Variants in SLC25A15 observed in about 807,000 individuals in gnomAD.
SLC25A15 encodes solute carrier family 25 member 15.
SLC25A15 carries 24 observed loss-of-function variants against 32.3 expected under a neutral mutation model. The observed-to-expected ratio is 0.74, with a 90% CI of 0.54 to 1.04. The LOEUF (loss-of-function observed/expected upper bound fraction) is 1.04, where lower values mean the gene tolerates loss of function less well. Among genes scored for constraint, SLC25A15 ranks in the 50% least tolerant of loss-of-function variants. The probability of loss-of-function intolerance (pLI) is 0.00; values close to 1 mark genes in which losing one functional copy is unlikely to be tolerated. For missense variants in SLC25A15, 317 were observed against 374.5 expected (o/e 0.85, Z 1.27); for synonymous variants, 132 against 142.1 (o/e 0.93, Z 0.51).
In SLC25A15 at chr13:40,810,669, A is replaced by G. The variant is rs1053184189; in HGVS notation, c.*1002A>G. 20 of 500,254 alleles carry G rather than the reference A, an allele frequency of 4.0e-5. No individual in the cohort carries two copies. The highest frequency in any genetic ancestry group is 7.9e-5 in the African/African-American group (4 of 50,408). The allele number at this position is 500,254 out of a possible 1,614,324, so 31.0% of individuals were successfully genotyped here. A position where few individuals can be genotyped will look rare whatever the true frequency, so the allele number is the denominator to read the frequency against. On this transcript the variant is annotated 3_prime_UTR_variant, in exon 7 of 7. Transcript: ENST00000338625. Reference sequence around the variant, plus strand: ...GGTGGGATCATATTCCACGCTGACTATATTGCTAGGGGTGGCCCAGAGGGT... The same window carrying G: ...GGTGGGATCATATTCCACGCTGACTGTATTGCTAGGGGTGGCCCAGAGGGT...
rs1882236317 is a variant in SLC25A15 at position 40,807,419 on chromosome 13, T to C, written c.578T>C (p.Leu193Pro). The C allele has an allele frequency of 1.9e-6, 3 of 1,614,220 alleles. No individual in the cohort carries two copies. Among genetic ancestry groups the C allele is most frequent in the Non-Finnish European group, 2.5e-6 (3 of 1,180,036 alleles). ...GYFFFFGGYE[L>P]SRSFFASGRS... ...TTCTTCTTCTTCGGTGGCTATGAAC[T>C]GAGCCGGTCCTTTTTTGCATCAGGG... is the stretch of plus-strand genomic sequence containing the variant. The change falls in exon 5 of 7, where the codon CTG becomes CCG. Residue 193 changes from leucine to proline, a missense_variant. Transcript: ENST00000338625.
chr13:40,801,548 C>T lies in SLC25A15; in HGVS notation c.314+2233C>T, dbSNP rs78540556. On this transcript the variant is annotated intron_variant, in intron 3 of 6. Coordinates refer to ENST00000338625, the MANE Select transcript of SLC25A15 (RefSeq NM_014252.4). ...TGAAATTGTGTCCTCTGAGCTCCTGCCCAGTCTCCTTTCCATCAGACCACA... is the reference window on the plus strand; with the variant it reads ...TGAAATTGTGTCCTCTGAGCTCCTGTCCAGTCTCCTTTCCATCAGACCACA... Among the ~76,000 whole-genome samples, 371 of 152,262 alleles carry T rather than the reference C, an allele frequency of 2.4e-3. 4 individuals are homozygous for T. In the East Asian group the frequency reaches 0.046, roughly 19 times the overall value.
chr13:40,804,951 T>C (rs139885978), intron 3 of SLC25A15, among the ~76,000 whole-genome samples, 167 bp from the exon 4 acceptor site: 1 of 152,178 alleles, frequency 6.6e-6, no homozygotes, highest in African/African-American at 2.4e-5. Context: ...CTAGAACACA[T>C]GGGCTCAAGT....
intron 2 of SLC25A15, among the ~76,000 whole-genome samples, chr13:40,798,141 G>A (rs1178291803): frequency 6.6e-6 from 1 of 152,068 alleles, no homozygotes; most frequent in East Asian, 1.9e-4. Context: ...TTAGCCAGGC[G>A]TGGTGGTGGG....
At chr13:40,790,187 C>CCTACCGCCCCAG (rs3837562) in intron 1 of SLC25A15, among the ~76,000 whole-genome samples, 5,554 of 152,232 alleles carry the variant, frequency 0.036, 249 homozygotes, top group East Asian at 0.16. Context: ...GCCTGCGGCT[C>CCTACCGCCCCAG]CTTTAGCCAG....
chr13:40,799,332 C>T lies in SLC25A15; in HGVS notation c.314+17C>T, dbSNP rs1333416722. 1 of 1,614,034 alleles carries T rather than the reference C, an allele frequency of 6.2e-7. No individual in the cohort carries two copies. The highest frequency in any genetic ancestry group is 1.3e-5 in the African/African-American group (1 of 75,016). On this transcript the variant is annotated intron_variant, in intron 3 of 6. Coordinates refer to ENST00000338625, the MANE Select transcript of SLC25A15 (RefSeq NM_014252.4). ...AAAGCTGAGGTGAGTCAAGGACACA[C>T]ACTTTTTTTATTTGTTTAAAAAAAC...
At chr13:40,804,197 G>A (rs1377254382) in intron 3 of SLC25A15, among the ~76,000 whole-genome samples, 1 of 152,092 alleles carries the variant, frequency 6.6e-6, no homozygotes, top group Non-Finnish European at 1.5e-5. Context: ...GAGAGTGAGC[G>A]AGCTCTCTGG....
chr13:40,810,692 G>A lies in SLC25A15; in HGVS notation c.*1025G>A, dbSNP rs2138061092. 2 of 529,048 alleles carry A rather than the reference G, an allele frequency of 3.8e-6. No individual in the cohort carries two copies. The highest frequency in any genetic ancestry group is 2.8e-5 in the South Asian group (2 of 70,946). 32.8% of individuals were successfully genotyped at this position (529,048 alleles called of 1,614,324 possible). On this transcript the variant is annotated 3_prime_UTR_variant, in exon 7 of 7. Coordinates refer to ENST00000338625, the MANE Select transcript of SLC25A15 (RefSeq NM_014252.4). ...CTATATTGCTAGGGGTGGCCCAGAG[G>A]GTCAGGCCTTTGGGAAATAGCATGG...
intron 3 of SLC25A15, chr13:40,802,070 C>A (rs1335065120): frequency 6.6e-6 from 1 of 152,240 alleles, no homozygotes; most frequent in Admixed American, 6.5e-5. Context: ...TTGACTGCCA[C>A]CTTTGTCCTG....
intron 2 of SLC25A15, among the ~76,000 whole-genome samples, chr13:40,796,236 T>G (rs1881666728): frequency 6.6e-6 from 1 of 152,132 alleles, no homozygotes; most frequent in Non-Finnish European, 1.5e-5. Flanking sequence ...TTAAACAACG[T>G]TTTCCCCACC....
In SLC25A15 at chr13:40,799,285, T is replaced by A; in HGVS notation, c.284T>A (p.Val95Glu). 1 of 1,614,092 alleles carries A rather than the reference T, an allele frequency of 6.2e-7. No individual in the cohort carries two copies. Among genetic ancestry groups the A allele is most frequent in the Admixed American group, 1.7e-5 (1 of 60,012 alleles). ...YGFCQQVVRK[V>E]AGLDKQAKLS... is the part of the protein sequence containing the mutation. ...TTCTGCCAGCAGGTGGTGCGGAAAG[T>A]GGCTGGATTGGACAAGCAGGCAAAG... Residue 95 changes from valine to glutamate, a missense_variant, in exon 3 of 7, where the codon GTG (valine) becomes GAG (glutamate). By Grantham distance (121) the Val-to-Glu change is moderately radical. Coordinates refer to ENST00000338625, the MANE Select transcript of SLC25A15 (RefSeq NM_014252.4).
intron 4 of SLC25A15, 104 bp downstream of exon 4, chr13:40,805,359 A>G: frequency 2.3e-6 from 3 of 1,292,634 alleles, no homozygotes; most frequent in South Asian, 2.5e-5. Context: ...AAGCCAATTT[A>G]TCTACTCCAA....
chr13:40,804,478 G>C (rs947977769), intron 3 of SLC25A15, among the ~76,000 whole-genome samples: 9 of 151,978 alleles, frequency 5.9e-5, no homozygotes, highest in African/African-American at 2.2e-4. Context: ...GGGTGCTGCT[G>C]TCTGCTTCAT....
Position 40,799,329 on chromosome 13 carries a change from A to G in SLC25A15, c.314+14A>G, listed in dbSNP as rs1593291054. ...GGCAAAGCTGAGGTGAGTCAAGGAC[A>G]CACACTTTTTTTATTTGTTTAAAAA... On this transcript the variant is annotated intron_variant, in intron 3 of 6. Coordinates refer to ENST00000338625, the MANE Select transcript of SLC25A15 (RefSeq NM_014252.4). 3.1e-6 allele frequency: 5 copies of G among 1,614,124 alleles called. No homozygotes were observed. The highest frequency in any genetic ancestry group is 4.2e-6 in the Non-Finnish European group (5 of 1,180,008).
At chr13:40,807,601 C>T in intron 5 of SLC25A15, 138 bp downstream of exon 5, 1 of 956,338 alleles carries the variant, frequency 1.0e-6, no homozygotes, top group Non-Finnish European at 1.7e-6. Context: ...CTTCTGGATG[C>T]CTGAAGGTAA....
At position 40,799,311 on chromosome 13, in the gene SLC25A15, C is replaced by T. The variant is rs992516111; in HGVS notation, c.310C>T (p.Leu104=). The T allele has an allele frequency of 6.2e-6, 10 of 1,613,980 alleles. No homozygotes were observed. The highest frequency in any genetic ancestry group is 1.7e-5 in the Admixed American group (1 of 59,990). ...KVAGLDKQAK[L]SDLQNAAAGS... ...GGCTGGATTGGACAAGCAGGCAAAGCTGAGGTGAGTCAAGGACACACACTT... is the reference window on the plus strand; with the variant it reads ...GGCTGGATTGGACAAGCAGGCAAAGTTGAGGTGAGTCAAGGACACACACTT... The change falls in exon 3 of 7, where the codon CTG becomes TTG. Residue 104 remains leucine (L), a synonymous_variant. Coordinates refer to ENST00000338625, the MANE Select transcript of SLC25A15 (RefSeq NM_014252.4).
chr13:40,794,569 G>A (rs1881612335), intron 2 of SLC25A15, among the ~76,000 whole-genome samples: 1 of 152,172 alleles, frequency 6.6e-6, no homozygotes, highest in South Asian at 2.1e-4. Context: ...CATGCAGGAA[G>A]AGCAGGACCC....
intron 2 of SLC25A15, 152 bp from the exon 3 acceptor site, chr13:40,798,905 T>A: frequency 6.4e-7 from 1 of 1,563,468 alleles, no homozygotes; most frequent in Non-Finnish European, 8.6e-7. Flanking sequence ...TGCTCTAAAT[T>A]GTTTACTGGA....
chr13:40,797,488 A>G (rs1730564630), intron 2 of SLC25A15, among the ~76,000 whole-genome samples: 1 of 152,152 alleles, frequency 6.6e-6, no homozygotes, highest in African/African-American at 2.4e-5. Flanking sequence ...TACCTGGGAG[A>G]GAATGACTCA....
Sources: allele counts gnomAD v4.1 joint callset (sites outside exome capture counted in the v4.1 genomes callset), GRCh38; gene constraint gnomAD v4.1.1; transcripts MANE v1.5; gene names NCBI Gene and HGNC (gene_info 2026-07-23, HGNC 2026-07-21).